EYS: variants seen among roughly 807,000 people sequenced by gnomAD.
EYS encodes protein eyes shut homolog.
A neutral mutation model predicts 282.1 loss-of-function variants in EYS; 250 were observed. That is an observed-to-expected ratio of 0.89 (90% CI 0.80 to 0.98). The LOEUF (loss-of-function observed/expected upper bound fraction) is 0.98, where lower values mean the gene tolerates loss of function less well. Among genes scored for constraint, EYS ranks in the 50% least tolerant of loss-of-function variants. EYS has a pLI of 0.00. For missense variants in EYS, 4,016 were observed against 3,709.0 expected (o/e 1.08, Z -2.15); for synonymous variants, 1,355 against 1,282.9 (o/e 1.06, Z -1.20).
intron 12 of EYS, among the ~76,000 whole-genome samples, chr6:65,155,058 C>A (rs755142588): frequency 2.0e-5 from 3 of 151,302 alleles, no homozygotes; most frequent in Non-Finnish European, 3.0e-5. Context: ...GCTACATTTC[C>A]CAAGTATTTA....
intron 31 of EYS, among the ~76,000 whole-genome samples, chr6:64,193,410 A>G (rs1193453484): frequency 1.3e-5 from 2 of 151,834 alleles, no homozygotes; most frequent in Non-Finnish European, 2.9e-5. Context: ...TCCTGGGTTC[A>G]TGTCATTCTC....
At chr6:65,145,474 T>C (rs1764454840) in intron 12 of EYS, among the ~76,000 whole-genome samples, 1 of 151,798 alleles carries the variant, frequency 6.6e-6, no homozygotes, top group African/African-American at 2.4e-5. Context: ...AAAGATGCAT[T>C]ATTGTATTTT....
intron 33 of EYS, among the ~76,000 whole-genome samples, chr6:64,042,331 A>T (rs1377407435): frequency 6.6e-6 from 1 of 152,232 alleles, no homozygotes; most frequent in Admixed American, 6.5e-5. Context: ...AGTTAGTAAC[A>T]GGGCTTAACT....
intron 7 of EYS, among the ~76,000 whole-genome samples, chr6:65,393,583 T>G (rs1160387147): frequency 6.6e-6 from 1 of 152,212 alleles, no homozygotes; most frequent in Non-Finnish European, 1.5e-5. Context: ...TTTCTGCAAA[T>G]GCAGTGTCTT....
At chr6:64,442,843 G>T (rs950246207) in intron 26 of EYS, among the ~76,000 whole-genome samples, 1 of 151,900 alleles carries the variant, frequency 6.6e-6, no homozygotes, top group Non-Finnish European at 1.5e-5. Context: ...TGCCCAGGCA[G>T]GAGTTTGCTA....
chr6:64,458,363 G>T (rs370152072), intron 26 of EYS, among the ~76,000 whole-genome samples: 196 of 151,704 alleles, frequency 1.3e-3, no homozygotes, highest in African/African-American at 4.5e-3. Flanking sequence ...AAGTCTGGTG[G>T]TGATAAACTC....
chr6:63,966,636 T>C (rs1282397667), intron 35 of EYS, among the ~76,000 whole-genome samples: 2 of 152,218 alleles, frequency 1.3e-5, no homozygotes, highest in Non-Finnish European at 2.9e-5. Context: ...TGAAGTTTAA[T>C]CCCTGCCCCT....
chr6:64,678,305 C>A (rs948528691), intron 22 of EYS, among the ~76,000 whole-genome samples: 1 of 152,178 alleles, frequency 6.6e-6, no homozygotes, highest in Non-Finnish European at 1.5e-5. Flanking sequence ...ACGCCAGGTG[C>A]GGTGGCTCAC....
At chr6:65,440,460 A>G (rs1304662362) in intron 5 of EYS, among the ~76,000 whole-genome samples, 2 of 151,940 alleles carry the variant, frequency 1.3e-5, no homozygotes, top group Non-Finnish European at 2.9e-5. Context: ...ATTTTATGAA[A>G]ATGAAAATTT....
At chr6:64,049,728 G>T (rs1770743278) in intron 33 of EYS, among the ~76,000 whole-genome samples, 1 of 152,134 alleles carries the variant, frequency 6.6e-6, no homozygotes, top group African/African-American at 2.4e-5. Context: ...GGAGGCACTT[G>T]GCGGAGAAAC....
In EYS at chr6:63,866,649, C is replaced by T. The variant is rs745685123; in HGVS notation, c.7056-2291G>A. On this transcript the variant is annotated intron_variant, in intron 35 of 42. Coordinates refer to ENST00000503581, the MANE Select transcript of EYS (RefSeq NM_001142800.2). ...CAGAAGTTGGTTGTGTAAATTCATG[C>T]GGAGACGACTAACTGTGTGCATCTG... 1.6e-4 allele frequency among the ~76,000 whole-genome samples: 24 copies of T among 152,112 alleles called. No individual in the cohort carries two copies. The East Asian group carries it at 1.9e-3, about 12-fold the overall frequency.
chr6:65,275,651 C>T (rs948385345), intron 12 of EYS, among the ~76,000 whole-genome samples: 1 of 152,104 alleles, frequency 6.6e-6, no homozygotes. Context: ...GATTCATGGG[C>T]TGTTTCTGTA....
intron 29 of EYS, among the ~76,000 whole-genome samples, chr6:64,378,822 T>C (rs1003615467): frequency 6.6e-6 from 1 of 152,176 alleles, no homozygotes; most frequent in Non-Finnish European, 1.5e-5. Context: ...TATTACTGGC[T>C]TCATAAGAAA....
intron 8 of EYS, among the ~76,000 whole-genome samples, chr6:65,357,555 T>C (rs1053701082): frequency 6.6e-6 from 1 of 152,020 alleles, no homozygotes; most frequent in Admixed American, 6.6e-5. Flanking sequence ...TAGATTCATT[T>C]TGGTTTATTG....
At chr6:65,469,684 T>C (rs1765136646) in intron 5 of EYS, among the ~76,000 whole-genome samples, 1 of 152,092 alleles carries the variant, frequency 6.6e-6, no homozygotes, top group African/African-American at 2.4e-5. Context: ...CATTTTGCCA[T>C]TAGTACTGGT....
intron 11 of EYS, among the ~76,000 whole-genome samples, chr6:65,301,392 C>T (rs984906092): frequency 9.8e-5 from 15 of 152,304 alleles, no homozygotes; most frequent in African/African-American, 3.6e-4. Context: ...CTTCCAGAAC[C>T]CTCGCGCCCT....
At chr6:64,102,333 A>AT (rs1273722044) in intron 31 of EYS, among the ~76,000 whole-genome samples, 1 of 152,164 alleles carries the variant, frequency 6.6e-6, no homozygotes, top group East Asian at 1.9e-4. Context: ...TGAAGAGTAA[A>AT]TTTTTTAAAG....
At chr6:64,273,170 CT>C (rs1349013036) in intron 30 of EYS, among the ~76,000 whole-genome samples, 5 of 152,132 alleles carry the variant, frequency 3.3e-5, no homozygotes, top group Non-Finnish European at 2.9e-5. Flanking sequence ...TCTCTTTATT[CT>C]GCTTTTTGCA....
At chr6:64,172,558 C>T (rs1303699738) in intron 31 of EYS, among the ~76,000 whole-genome samples, 1 of 152,186 alleles carries the variant, frequency 6.6e-6, no homozygotes, top group East Asian at 1.9e-4. Flanking sequence ...TATGACCCAT[C>T]AGTCTCACTT....
Sources: gnomAD v4.1 joint callset for allele counts (sites outside exome capture counted in the v4.1 genomes callset) on GRCh38, gnomAD v4.1.1 for gene constraint, MANE v1.5 for transcripts, NCBI Gene and HGNC (gene_info 2026-07-23, HGNC 2026-07-21) for gene names.